Variants in COL19A1 observed in about 807,000 individuals in gnomAD.
COL19A1 encodes the protein collagen type XIX alpha 1 chain.
COL19A1 carries 159 observed loss-of-function variants against 190.2 expected under a neutral mutation model. The ratio of observed to expected loss-of-function variants is 0.84; its 90% CI spans 0.73 to 0.95. The LOEUF is 0.95. Among genes scored for constraint, COL19A1 ranks in the 40% least tolerant of loss-of-function variants. The probability of loss-of-function intolerance (pLI) is 0.00; values close to 1 mark genes in which losing one functional copy is unlikely to be tolerated. For missense variants in COL19A1, 1,418 were observed against 1,431.9 expected (o/e 0.99, Z 0.16); for synonymous variants, 509 against 458.9 (o/e 1.11, Z -1.39).
intron 11 of COL19A1, among the ~76,000 whole-genome samples, chr6:69,990,250 A>G (rs1474871033): frequency 6.6e-6 from 1 of 152,124 alleles, no homozygotes; most frequent in Non-Finnish European, 1.5e-5. Context: ...TTTTGAGGCA[A>G]TCCCAGTCAG....
At chr6:70,149,592 C>T (rs1289972559) in intron 27 of COL19A1, 112 bp from the exon 28 acceptor site, 4 of 1,366,870 alleles carry the variant, frequency 2.9e-6, no homozygotes, top group Non-Finnish European at 4.0e-6. Flanking sequence ...TGTACGGTGG[C>T]AAACCCTGTT....
intron 16 of COL19A1, among the ~76,000 whole-genome samples, chr6:70,104,699 A>G (rs1353795326): frequency 6.6e-6 from 1 of 152,234 alleles, no homozygotes; most frequent in African/African-American, 2.4e-5. Flanking sequence ...TAATTGTTTC[A>G]TGCTTTAAAG....
At chr6:69,901,293 C>A (rs1770173923) in intron 4 of COL19A1, among the ~76,000 whole-genome samples, 1 of 152,204 alleles carries the variant, frequency 6.6e-6, no homozygotes, top group South Asian at 2.1e-4. Context: ...TAGCATTAAT[C>A]ATCTCATTGC....
intron 2 of COL19A1, among the ~76,000 whole-genome samples, chr6:69,896,805 A>G (rs113915637): frequency 6.6e-6 from 1 of 152,110 alleles, no homozygotes; most frequent in East Asian, 1.9e-4. Context: ...AAGTGTTTAA[A>G]TCTTTTTGCA....
chr6:70,093,897 T>G (rs1783082617), intron 15 of COL19A1, among the ~76,000 whole-genome samples: 1 of 152,144 alleles, frequency 6.6e-6, no homozygotes, highest in South Asian at 2.1e-4. Flanking sequence ...GGCAGAGAGA[T>G]GAGTAAATAC....
In COL19A1 at chr6:70,184,933, G is replaced by A. The variant is rs1426680437; in HGVS notation, c.2856+18G>A. ...GAGAACGTGTATGTATATTACTATT[G>A]TGATTGTTATTCAAGTCTGTCTGTT... On this transcript the variant is annotated intron_variant, in intron 46 of 50. Coordinates refer to ENST00000620364, the MANE Select transcript of COL19A1 (RefSeq NM_001858.6). 1 of 1,606,188 alleles carries A rather than the reference G, an allele frequency of 6.2e-7. No homozygotes were observed. The highest frequency in any genetic ancestry group is 8.5e-7 in the Non-Finnish European group (1 of 1,176,006).
At chr6:70,119,141 T>C (rs1411402717) in intron 16 of COL19A1, among the ~76,000 whole-genome samples, 2 of 152,152 alleles carry the variant, frequency 1.3e-5, no homozygotes, top group Non-Finnish European at 2.9e-5. Context: ...CCAGAACCCT[T>C]TGGGAGGCTT....
chr6:70,000,557 C>T (rs1158439704), intron 11 of COL19A1, among the ~76,000 whole-genome samples: 1 of 152,156 alleles, frequency 6.6e-6, no homozygotes, highest in Non-Finnish European at 1.5e-5. Context: ...TAATAATTGC[C>T]ATTCTGACTG....
At chr6:69,986,614 C>T (rs1439998092) in intron 11 of COL19A1, among the ~76,000 whole-genome samples, 2 of 152,146 alleles carry the variant, frequency 1.3e-5, no homozygotes, top group African/African-American at 4.8e-5. Flanking sequence ...ACATAATGTA[C>T]TAAATATGTG....
chr6:70,165,814 A>G lies in COL19A1; in HGVS notation c.2401-127A>G, dbSNP rs1486112066. The G allele has an allele frequency of 7.0e-6, 6 of 862,006 alleles. No homozygotes were observed. The East Asian group carries it at 1.2e-4, about 17-fold the overall frequency. 53.4% of individuals were successfully genotyped at this position (862,006 alleles called of 1,614,324 possible). ...GGAGAGCCCAGCTGAATAAGACTAC[A>G]AGGCTGAAACAACATGGCAAGTCAT... On this transcript the variant is annotated intron_variant, in intron 36 of 50. Coordinates refer to ENST00000620364, the MANE Select transcript of COL19A1 (RefSeq NM_001858.6).
intron 14 of COL19A1, chr6:70,059,736 C>A (rs57799585): frequency 0.02 from 10,264 of 514,306 alleles, 891 homozygotes; most frequent in African/African-American, 0.18. Flanking sequence ...CCTATGTAGA[C>A]CTATGCAGAT....
chr6:69,871,084 A>G (rs1767794569), intron 1 of COL19A1, among the ~76,000 whole-genome samples: 1 of 152,228 alleles, frequency 6.6e-6, no homozygotes, highest in Non-Finnish European at 1.5e-5. Flanking sequence ...ACTTACTTCA[A>G]TTTAATTACT....
intron 31 of COL19A1, among the ~76,000 whole-genome samples, chr6:70,155,797 C>A (rs1787393538): frequency 6.6e-6 from 1 of 152,076 alleles, no homozygotes; most frequent in Non-Finnish European, 1.5e-5. Flanking sequence ...AAACATTCTG[C>A]TAAACAATTG....
At chr6:70,120,097 C>T (rs1400401491) in intron 16 of COL19A1, among the ~76,000 whole-genome samples, 1 of 152,070 alleles carries the variant, frequency 6.6e-6, no homozygotes, top group East Asian at 1.9e-4. Flanking sequence ...TCTCAAAAAA[C>T]AACAACAAAA....
intron 29 of COL19A1, 28 bp from the exon 30 acceptor site, chr6:70,149,964 G>A (rs777888603): frequency 1.2e-6 from 2 of 1,613,678 alleles, no homozygotes; most frequent in African/African-American, 2.7e-5. Flanking sequence ...CACGTGCAAA[G>A]ATTGAACATG....
chr6:69,899,900 A>C (rs942412829), intron 3 of COL19A1, among the ~76,000 whole-genome samples: 2 of 152,170 alleles, frequency 1.3e-5, no homozygotes, highest in Admixed American at 1.3e-4. Context: ...TACTATTTTT[A>C]ATCTAATTTT....
chr6:70,207,740 A>C lies in COL19A1; in HGVS notation c.*466A>C, dbSNP rs1490524579. 6.6e-6 allele frequency: 1 copy of C among 152,242 alleles called. No individual in the cohort carries two copies. Among genetic ancestry groups the C allele is most frequent in the African/African-American group, 2.4e-5 (1 of 41,426 alleles). 9.4% of individuals were successfully genotyped at this position (152,242 alleles called of 1,614,324 possible). A position where few individuals can be genotyped will look rare whatever the true frequency, so the allele number is the denominator to read the frequency against. ...CTCGTCAACTTTTTTGATATAGTGC[A>C]TTGCTCCTGTTGAATGTTTTTTGAC... On this transcript the variant is annotated 3_prime_UTR_variant, in exon 51 of 51. Transcript: ENST00000620364.
At chr6:70,068,940 G>A (rs574005768) in intron 15 of COL19A1, among the ~76,000 whole-genome samples, 6 of 152,032 alleles carry the variant, frequency 3.9e-5, no homozygotes, top group African/African-American at 1.4e-4. Context: ...ATAAATCATC[G>A]TTGGAATTGG....
At chr6:69,996,701 T>C (rs1398398846) in intron 11 of COL19A1, among the ~76,000 whole-genome samples, 5 of 152,082 alleles carry the variant, frequency 3.3e-5, no homozygotes, top group Admixed American at 3.3e-4. Context: ...AACCAATATA[T>C]TTTAATGATT....
Sources: allele counts gnomAD v4.1 joint callset (sites outside exome capture counted in the v4.1 genomes callset), GRCh38; gene constraint gnomAD v4.1.1; transcripts MANE v1.5; gene names NCBI Gene and HGNC (gene_info 2026-07-23, HGNC 2026-07-21).